The following RASAL2 variants were observed in gnomAD, a reference collection of about 807,000 sequenced individuals.
RASAL2 encodes the protein ras GTPase-activating protein nGAP.
In RASAL2, 58 loss-of-function variants were observed where a neutral mutation model predicts 128.9. The observed-to-expected ratio is 0.45, with a 90% confidence interval of 0.36 to 0.56. The LOEUF (loss-of-function observed/expected upper bound fraction) is 0.56, where lower values mean the gene tolerates loss of function less well. Among genes scored for constraint, RASAL2 ranks in the 20% least tolerant of loss-of-function variants. The probability of loss-of-function intolerance (pLI) is 0.00; values close to 1 mark genes in which losing one functional copy is unlikely to be tolerated. For synonymous variants in RASAL2, 561 were observed against 580.8 expected (o/e 0.97, Z 0.49); for missense variants, 1,360 against 1,601.6 (o/e 0.85, Z 2.57).
At chr1:178,302,136 TA>T (rs1667794474) in intron 3 of RASAL2, among the ~76,000 whole-genome samples, 2 of 152,340 alleles carry the variant, frequency 1.3e-5, no homozygotes, top group Admixed American at 1.3e-4. Context: ...TCTGTTTTTT[TA>T]TTGTTATCTC....
chr1:178,148,847 G>T (rs878953673), intron 1 of RASAL2, among the ~76,000 whole-genome samples: 1 of 152,048 alleles, frequency 6.6e-6, no homozygotes, highest in Admixed American at 6.6e-5. Context: ...TAAATACATG[G>T]GTTTATTTAG....
At chr1:178,162,289 T>TTATATATATATA (rs554582730) in intron 1 of RASAL2, among the ~76,000 whole-genome samples, 62 of 122,316 alleles carry the variant, frequency 5.1e-4, no homozygotes, top group African/African-American at 2.0e-3. Context: ...TAAGATTTCT[T>TTATATATATATA]TATATATATA....
chr1:178,425,223 T>C (rs1037592375), intron 5 of RASAL2, among the ~76,000 whole-genome samples: 1 of 152,034 alleles, frequency 6.6e-6, no homozygotes. Flanking sequence ...AAGTAGAAAG[T>C]AGGAAATTAT....
intron 1 of RASAL2, among the ~76,000 whole-genome samples, chr1:178,259,807 T>G (rs1665574655): frequency 6.6e-6 from 1 of 152,066 alleles, no homozygotes; most frequent in Admixed American, 6.6e-5. Context: ...CAAGTCATCC[T>G]CCCTCCTTGG....
chr1:178,369,483 G>A (rs910738723), intron 3 of RASAL2, among the ~76,000 whole-genome samples: 2 of 151,570 alleles, frequency 1.3e-5, no homozygotes, highest in African/African-American at 2.4e-5. Context: ...CTCAGCCTCC[G>A]AAATGCTGGG....
At position 178,457,845 on chromosome 1, in the gene RASAL2, G is replaced by T; in HGVS notation, c.2553G>T (p.Met851Ile). Residue 851 changes from methionine (M) to isoleucine (I), a missense_variant, in exon 14 of 18, where the codon ATG becomes ATT. Coordinates refer to ENST00000367649, the MANE Select transcript of RASAL2 (RefSeq NM_170692.4). Reference protein sequence around the residue: ...SLPNGRSVSLMDLQDTHAAQV... With the variant: ...SLPNGRSVSLIDLQDTHAAQV... ...CTAATGGTCGGAGCGTCTCCCTCAT[G>T]GACCTCCAGGACACTCATGCTGCTC... 6.2e-7 allele frequency: 1 copy of T among 1,614,176 alleles called. No individual in the cohort carries two copies. Among genetic ancestry groups the T allele is most frequent in the African/African-American group, 1.3e-5 (1 of 75,026 alleles).
intron 1 of RASAL2, among the ~76,000 whole-genome samples, chr1:178,236,961 G>A (rs1446452617): frequency 1.3e-5 from 2 of 151,438 alleles, no homozygotes; most frequent in African/African-American, 4.9e-5. Context: ...ATGGGGTTTC[G>A]CCATGTTGGT....
chr1:178,313,150 C>T (rs1668340917), intron 3 of RASAL2, among the ~76,000 whole-genome samples: 1 of 152,106 alleles, frequency 6.6e-6, no homozygotes, highest in African/African-American at 2.4e-5. Flanking sequence ...CGTACATAGT[C>T]ATAATATTGT....
intron 12 of RASAL2, among the ~76,000 whole-genome samples, chr1:178,455,473 A>G (rs1677705783): frequency 6.6e-6 from 1 of 152,206 alleles, no homozygotes; most frequent in Non-Finnish European, 1.5e-5. Context: ...AAAATGCTAT[A>G]TCAGTAAAAT....
intron 1 of RASAL2, among the ~76,000 whole-genome samples, chr1:178,155,154 G>A (rs1211280748): frequency 6.6e-6 from 1 of 152,030 alleles, no homozygotes; most frequent in Non-Finnish European, 1.5e-5. Flanking sequence ...AGGAGAGTTT[G>A]GGTATATAAT....
intron 1 of RASAL2, among the ~76,000 whole-genome samples, chr1:178,209,225 G>T (rs1208102353): frequency 6.6e-6 from 1 of 151,960 alleles, no homozygotes; most frequent in Non-Finnish European, 1.5e-5. Flanking sequence ...GTCTCCGTTG[G>T]TTGCTCTCTA....
At chr1:178,306,759 TG>T (rs1407014495) in intron 3 of RASAL2, among the ~76,000 whole-genome samples, 1 of 151,314 alleles carries the variant, frequency 6.6e-6, no homozygotes, top group Admixed American at 6.6e-5. Flanking sequence ...GTTTTCTTCT[TG>T]TAAATTTGTT....
chr1:178,318,676 C>T (rs1668605733), intron 3 of RASAL2, among the ~76,000 whole-genome samples: 2 of 151,696 alleles, frequency 1.3e-5, no homozygotes, highest in Admixed American at 6.6e-5. Context: ...TTATTTTGAG[C>T]CTATGTGTGT....
chr1:178,411,910 C>A, intron 4 of RASAL2: 1 of 674,778 alleles, frequency 1.5e-6, no homozygotes. Flanking sequence ...GCCTTCAGAG[C>A]CCTTGCCCGC....
intron 1 of RASAL2, among the ~76,000 whole-genome samples, chr1:178,144,206 T>G (rs561707544): frequency 1.2e-4 from 18 of 152,126 alleles, no homozygotes; most frequent in Non-Finnish European, 2.4e-4. Flanking sequence ...ACAGATAGAT[T>G]CCGTACAGAG....
intron 5 of RASAL2, among the ~76,000 whole-genome samples, chr1:178,431,856 A>T (rs558185222): frequency 6.7e-6 from 1 of 149,230 alleles, no homozygotes. Context: ...ATATGTTTGT[A>T]TTTAAATAAA....
At chr1:178,255,395 A>G (rs1180564735) in intron 1 of RASAL2, among the ~76,000 whole-genome samples, 1 of 152,164 alleles carries the variant, frequency 6.6e-6, no homozygotes, top group African/African-American at 2.4e-5. Flanking sequence ...GGCTCATAAC[A>G]TATAGAAACG....
At chr1:178,389,252 C>T in intron 3 of RASAL2, 1 of 983,406 alleles carries the variant, frequency 1.0e-6, no homozygotes, top group Non-Finnish European at 1.2e-6. Context: ...ATCTGAGAAG[C>T]TGGATTCCTT....
chr1:178,325,523 G>T (rs938343561), intron 3 of RASAL2, among the ~76,000 whole-genome samples: 3 of 152,168 alleles, frequency 2.0e-5, no homozygotes, highest in African/African-American at 4.8e-5. Flanking sequence ...TAGAGCTAAT[G>T]AGATAATACA....
Sources: gnomAD v4.1 joint callset for allele counts (sites outside exome capture counted in the v4.1 genomes callset) on GRCh38, gnomAD v4.1.1 for gene constraint, MANE v1.5 for transcripts, NCBI Gene and HGNC (gene_info 2026-07-23, HGNC 2026-07-21) for gene names.